Variants in RBFOX1 observed in about 807,000 individuals in gnomAD.
The protein encoded by RBFOX1 is RNA binding fox-1 homolog 1.
In RBFOX1, 8 loss-of-function variants were observed where a neutral mutation model predicts 57.7. The observed-to-expected ratio is 0.14, with a 90% CI of 0.08 to 0.25. The LOEUF is 0.25. Ranked by LOEUF, RBFOX1 falls within the 10% of genes least tolerant of loss-of-function variation. The pLI is 1.00. For missense variants in RBFOX1, 611 were observed against 548.5 expected (o/e 1.11, Z -1.14); for synonymous variants, 326 against 222.4 (o/e 1.47, Z -4.15).
At position 7,012,667 on chromosome 16, in the gene RBFOX1, T is replaced by C. The variant is rs528343001; in HGVS notation, c.-15-39390T>C. ...CAGACCTTTCTTTATTATGGGACAA[T>C]TAATTTTAAGCTGACTTTATCAGCA... On this transcript the variant is annotated intron_variant, in intron 3 of 15. Coordinates refer to ENST00000550418, the MANE Select transcript of RBFOX1 (RefSeq NM_018723.4). Among the ~76,000 whole-genome samples the C allele has an allele frequency of 4.6e-5, 7 of 152,268 alleles. No homozygotes were observed. The East Asian group carries it at 1.4e-3, about 29-fold the overall frequency.
chr16:7,593,955 C>G (rs986769002), intron 7 of RBFOX1, among the ~76,000 whole-genome samples: 7 of 152,098 alleles, frequency 4.6e-5, no homozygotes, highest in Non-Finnish European at 7.4e-5. Flanking sequence ...GTTCCGTTAG[C>G]CAGCCCATTG....
chr16:5,662,915 G>T (rs1008262031), intron 3 of RBFOX1, among the ~76,000 whole-genome samples: 18 of 152,226 alleles, frequency 1.2e-4, no homozygotes, highest in African/African-American at 3.4e-4. Flanking sequence ...ATATCATGTA[G>T]CTGGGATAGT....
intron 4 of RBFOX1, chr16:7,328,926 G>A (rs1000140125): frequency 5.3e-5 from 8 of 152,102 alleles, no homozygotes; most frequent in Non-Finnish European, 1.0e-4. Flanking sequence ...TATAATCTTC[G>A]AGGTAAGAAT....
chr16:5,831,473 T>TTTTTTATTATTATTA (rs1555540197), intron 3 of RBFOX1, among the ~76,000 whole-genome samples: 16 of 141,506 alleles, frequency 1.1e-4, no homozygotes, highest in African/African-American at 3.9e-4. Context: ...TCTTTTCTCT[T>TTTTTTATTATTATTA]TTATTATTAT....
chr16:6,485,405 A>AT (rs373174198), intron 2 of RBFOX1, among the ~76,000 whole-genome samples: 5,701 of 149,590 alleles, frequency 0.038, 358 homozygotes, highest in African/African-American at 0.13. Context: ...TCCTTATCCC[A>AT]TTTTTTTTCA....
chr16:6,982,381 C>G (rs1359710055), intron 3 of RBFOX1, among the ~76,000 whole-genome samples: 1 of 152,222 alleles, frequency 6.6e-6, no homozygotes, highest in Non-Finnish European at 1.5e-5. Context: ...AGTGAGAACA[C>G]TGAATATCAT....
intron 4 of RBFOX1, among the ~76,000 whole-genome samples, chr16:7,408,099 T>G (rs2098377738): frequency 6.6e-6 from 1 of 152,244 alleles, no homozygotes; most frequent in African/African-American, 2.4e-5. Context: ...AAAGGTTGAT[T>G]AACCAGAACA....
chr16:7,121,116 A>G (rs1333770423), intron 4 of RBFOX1, among the ~76,000 whole-genome samples: 1 of 152,048 alleles, frequency 6.6e-6, no homozygotes, highest in African/African-American at 2.4e-5. Flanking sequence ...ACCTTCTGCA[A>G]CCTGGTAGAG....
intron 1 of RBFOX1, among the ~76,000 whole-genome samples, chr16:6,184,680 G>A (rs1314514837): frequency 9.2e-5 from 14 of 151,786 alleles, no homozygotes; most frequent in Admixed American, 2.0e-4. Flanking sequence ...CTGCCTCACC[G>A]TCTCGAGTAG....
chr16:7,696,585 A>G (rs2078876874), intron 14 of RBFOX1, among the ~76,000 whole-genome samples: 1 of 152,176 alleles, frequency 6.6e-6, no homozygotes, highest in Non-Finnish European at 1.5e-5. Flanking sequence ...TGTGGGTGTC[A>G]GGAACTGTTC....
At chr16:6,990,354 A>T (rs1174199092) in intron 3 of RBFOX1, among the ~76,000 whole-genome samples, 1 of 152,042 alleles carries the variant, frequency 6.6e-6, no homozygotes, top group Non-Finnish European at 1.5e-5. Flanking sequence ...GTGAAACCCC[A>T]TTTCTACTAA....
chr16:5,505,484 CA>C (rs1162402345), intron 2 of RBFOX1, among the ~76,000 whole-genome samples: 2 of 152,210 alleles, frequency 1.3e-5, no homozygotes, highest in East Asian at 3.9e-4. Context: ...CCTGAGATTC[CA>C]GGGGTGCCCT....
At chr16:7,217,413 AC>A (rs1360335423) in intron 4 of RBFOX1, among the ~76,000 whole-genome samples, 47 of 149,212 alleles carry the variant, frequency 3.1e-4, no homozygotes, top group African/African-American at 1.1e-3. Context: ...ACAGGCATGA[AC>A]CACCACGTCC....
chr16:7,557,738 T>C (rs987934485), intron 5 of RBFOX1, among the ~76,000 whole-genome samples: 1 of 151,648 alleles, frequency 6.6e-6, no homozygotes, highest in Admixed American at 6.6e-5. Context: ...CACATATTGC[T>C]GGCTGTAATC....
chr16:6,878,202 A>C (rs985809121), intron 3 of RBFOX1, among the ~76,000 whole-genome samples: 1 of 152,186 alleles, frequency 6.6e-6, no homozygotes, highest in Non-Finnish European at 1.5e-5. Flanking sequence ...TATGGTCACC[A>C]TGCAGGCTCA....
chr16:7,022,059 T>G, intron 3 of RBFOX1, among the ~76,000 whole-genome samples: 1 of 93,798 alleles, frequency 1.1e-5, no homozygotes, highest in Non-Finnish European at 2.0e-5. Flanking sequence ...CCCTTCCCCC[T>G]CCCCTTTCCT....
At chr16:6,865,292 C>G (rs190760782) in intron 3 of RBFOX1, among the ~76,000 whole-genome samples, 1 of 151,518 alleles carries the variant, frequency 6.6e-6, no homozygotes, top group South Asian at 2.1e-4. Context: ...CGTGAGCCAC[C>G]GTGCCCGACC....
At chr16:6,838,028 T>C (rs576694472) in intron 3 of RBFOX1, among the ~76,000 whole-genome samples, 42 of 151,740 alleles carry the variant, frequency 2.8e-4, no homozygotes, top group South Asian at 2.1e-3. Context: ...TTTTCCATTT[T>C]ACTTTAAGTT....
chr16:6,956,997 A>T (rs973064378), intron 3 of RBFOX1, among the ~76,000 whole-genome samples: 1 of 152,184 alleles, frequency 6.6e-6, no homozygotes, highest in Non-Finnish European at 1.5e-5. Flanking sequence ...GTAAAGTGAA[A>T]GCAAGTTTAT....
Sources: gnomAD v4.1 joint callset for allele counts (sites outside exome capture counted in the v4.1 genomes callset) on GRCh38, gnomAD v4.1.1 for gene constraint, MANE v1.5 for transcripts, NCBI Gene and HGNC (gene_info 2026-07-23, HGNC 2026-07-21) for gene names.